The following PRKDC variants were observed in gnomAD, a reference collection of about 807,000 sequenced individuals.
PRKDC encodes the protein DNA-dependent protein kinase catalytic subunit.
In PRKDC, 82 loss-of-function variants were observed where a neutral mutation model predicts 486.9. The ratio of observed to expected loss-of-function variants is 0.17; its 90% CI spans 0.14 to 0.20. The LOEUF (loss-of-function observed/expected upper bound fraction) is 0.20, where lower values mean the gene tolerates loss of function less well. Ranked by LOEUF, PRKDC falls within the 10% of genes least tolerant of loss-of-function variation. The pLI, the probability that PRKDC is intolerant of heterozygous loss-of-function variation, is 1.00. For missense variants in PRKDC, 4,504 were observed against 5,038.2 expected (o/e 0.89, Z 3.21); for synonymous variants, 1,895 against 1,837.0 (o/e 1.03, Z -0.81).
At chr8:47,936,581 G>A in intron 11 of PRKDC, 64 bp from the exon 12 acceptor site, 2 of 1,561,130 alleles carry the variant, frequency 1.3e-6, no homozygotes, top group Non-Finnish European at 1.8e-6. Context: ...TATTTAAGGT[G>A]TCATGTTAAG....
chr8:47,918,175 C>A, intron 22 of PRKDC, 102 bp downstream of exon 22: 1 of 801,660 alleles, frequency 1.2e-6, no homozygotes, highest in Middle Eastern at 2.5e-4. Flanking sequence ...ACTTTGTATA[C>A]AAAAACAACT....
At chr8:47,917,208 T>G (rs2090000061) in intron 22 of PRKDC, among the ~76,000 whole-genome samples, 1 of 151,918 alleles carries the variant, frequency 6.6e-6, no homozygotes, top group South Asian at 2.1e-4. Context: ...TGAGCTGAGA[T>G]CACACCAATG....
chr8:47,953,480 G>A (rs2090657753), intron 7 of PRKDC, 140 bp downstream of exon 7: 3 of 787,666 alleles, frequency 3.8e-6, no homozygotes, highest in Admixed American at 4.7e-5. Context: ...GAACTCGGGA[G>A]GGCCCACAGG....
rs1035697603 is a variant in PRKDC at position 47,864,773 on chromosome 8, C to T, written c.5364-10G>A. ...TGTGACACATGAACCCCTAAGAAAA[C>T]AAGATAAAATTATATGAACATCCCT... On this transcript the variant is annotated splice_polypyrimidine_tract_variant and intron_variant, in intron 40 of 85. Coordinates refer to ENST00000314191, the MANE Select transcript of PRKDC (RefSeq NM_006904.7). 2 of 1,551,686 alleles carry T rather than the reference C, an allele frequency of 1.3e-6. No homozygotes were observed. The highest frequency in any genetic ancestry group is 1.9e-5 in the Admixed American group (1 of 51,556).
intron 21 of PRKDC, among the ~76,000 whole-genome samples, chr8:47,920,822 T>C (rs1199022273): frequency 6.6e-6 from 1 of 152,228 alleles, no homozygotes; most frequent in Non-Finnish European, 1.5e-5. Flanking sequence ...ATACATAACA[T>C]GAAATGTACT....
At chr8:47,948,546 G>A (rs1297258204) in intron 7 of PRKDC, among the ~76,000 whole-genome samples, 28 of 146,664 alleles carry the variant, frequency 1.9e-4, no homozygotes, top group African/African-American at 6.6e-4. Flanking sequence ...TGCAACCTCC[G>A]CCTCCCAGGT....
chr8:47,784,307 C>T (rs1173552361), intron 77 of PRKDC, among the ~76,000 whole-genome samples: 1 of 151,764 alleles, frequency 6.6e-6, no homozygotes, highest in Non-Finnish European at 1.5e-5. Context: ...TGGAAGTTAG[C>T]ACTCTATTCT....
chr8:47,889,474 G>A (rs756500981), intron 32 of PRKDC, among the ~76,000 whole-genome samples: 22 of 152,240 alleles, frequency 1.4e-4, no homozygotes, highest in Non-Finnish European at 2.9e-4. Flanking sequence ...CTCCTATTTA[G>A]CTTTATCTAC....
At position 47,794,376 on chromosome 8, in the gene PRKDC, A is replaced by T; in HGVS notation, c.10584T>A (p.Ala3528=). 1 of 1,613,914 alleles carries T rather than the reference A, an allele frequency of 6.2e-7. No homozygotes were observed. The highest frequency in any genetic ancestry group is 8.5e-7 in the Non-Finnish European group (1 of 1,179,836). ...VEEITDNYPQ[A]IVYPFIISSE... is the part of the protein sequence containing the mutation. The stretch of plus-strand genomic sequence containing the variant: ...TGCTTATGATGAAGGGATAAACAAT[A>T]GCCTGCGGGTAGTTATCAGTGATTT... Residue 3528 remains alanine, a synonymous_variant, in exon 74 of 86, where the codon GCT becomes GCA. Transcript: ENST00000314191.
In PRKDC at chr8:47,933,025, G is replaced by A; in HGVS notation, c.1771C>T (p.Gln591Ter). 6.3e-7 allele frequency: 1 copy of A among 1,585,466 alleles called. No homozygotes were observed. Among genetic ancestry groups the A allele is most frequent in the Non-Finnish European group, 8.5e-7 (1 of 1,170,098 alleles). The part of the protein sequence containing the change: ...LTLEIQTVGE[Q>*]ENGDEAPGVW... The stretch of plus-strand genomic sequence containing the variant: ...TACTGATAAAAATTTCTAACCTCTT[G>A]TTCCCCAACAGTCTGTATTTCAAGT... The change falls in exon 16 of 86, where the codon CAA becomes TAA. Residue 591 changes from glutamine to a stop codon, truncating the protein, a stop_gained. Coordinates refer to ENST00000314191, the MANE Select transcript of PRKDC (RefSeq NM_006904.7). LOFTEE classifies it high-confidence loss of function.
rs1322286493 is a variant in PRKDC, at chr8:47,774,391, A to C, written c.12183-14T>G. On this transcript the variant is annotated splice_polypyrimidine_tract_variant and intron_variant, in intron 85 of 85. Transcript: ENST00000314191. The stretch of plus-strand genomic sequence containing the variant: ...AGTAGCTCATCACTGGAAAAAAAAC[A>C]AACACAGAAAACACAAAGCATGTGT... The C allele has an allele frequency of 6.2e-7, 1 of 1,606,172 alleles. No individual in the cohort carries two copies. Among genetic ancestry groups the C allele is most frequent in the South Asian group, 1.1e-5 (1 of 89,520 alleles).
At chr8:47,878,518 C>T (rs1036305934) in intron 39 of PRKDC, among the ~76,000 whole-genome samples, 7 of 152,116 alleles carry the variant, frequency 4.6e-5, no homozygotes, top group African/African-American at 1.7e-4. Flanking sequence ...GGGACTCTCG[C>T]CCTTACTCTG....
At chr8:47,777,547 C>T (rs1194743913) in intron 84 of PRKDC, 139 bp downstream of exon 84, 1 of 1,033,838 alleles carries the variant, frequency 9.7e-7, no homozygotes, top group African/African-American at 1.6e-5. Context: ...TAAATACTAA[C>T]TTTGAGAAAT....
At chr8:47,948,741 C>T (rs2090578746) in intron 7 of PRKDC, among the ~76,000 whole-genome samples, 2 of 152,260 alleles carry the variant, frequency 1.3e-5, no homozygotes, top group East Asian at 1.9e-4. Flanking sequence ...GGATTACAGG[C>T]GTGAGCCACC....
chr8:47,891,656 C>CT (rs1277559982), intron 31 of PRKDC, among the ~76,000 whole-genome samples: 1 of 151,966 alleles, frequency 6.6e-6, no homozygotes, highest in African/African-American at 2.4e-5. Flanking sequence ...GGAGGATGAG[C>CT]TTGCAGTGAG....
intron 59 of PRKDC, among the ~76,000 whole-genome samples, chr8:47,833,539 T>C (rs1197711662): frequency 6.6e-6 from 1 of 151,932 alleles, no homozygotes; most frequent in Admixed American, 6.6e-5. Context: ...TCCCCATCAC[T>C]CCACTTCTGC....
chr8:47,820,380 A>AAAAC lies in PRKDC; in HGVS notation c.9336+335_9336+338dup, dbSNP rs775163001. 3.3e-4 allele frequency among the ~76,000 whole-genome samples: 51 copies of AAAAC among 152,272 alleles called. 1 individual carries two copies. Among genetic ancestry groups the AAAAC allele is most frequent in the African/African-American group, 1.0e-3 (42 of 41,552 alleles). On this transcript the variant is annotated intron_variant, in intron 66 of 85. Transcript: ENST00000314191. ...CGACAAAAGAGAAACTTGGTCTCAA[A>AAAAC]AAACAAACAAACAAACAAAAAAACA...
chr8:47,954,937 C>T (rs189111016), intron 4 of PRKDC, among the ~76,000 whole-genome samples: 4 of 152,152 alleles, frequency 2.6e-5, no homozygotes, highest in Admixed American at 2.6e-4. Context: ...AGGCGGATTA[C>T]GAGGTCAGGA....
intron 32 of PRKDC, among the ~76,000 whole-genome samples, chr8:47,889,428 G>A (rs2089409240): frequency 6.6e-6 from 1 of 152,248 alleles, no homozygotes; most frequent in South Asian, 2.1e-4. Flanking sequence ...TAAGAAAGCA[G>A]CACAGACAAC....
Sources: gnomAD v4.1 joint callset for allele counts (sites outside exome capture counted in the v4.1 genomes callset) on GRCh38, gnomAD v4.1.1 for gene constraint, MANE v1.5 for transcripts, NCBI Gene and HGNC (gene_info 2026-07-23, HGNC 2026-07-21) for gene names.